The following AP3B2 variants were observed in gnomAD, a reference collection of about 807,000 sequenced individuals.
The protein encoded by AP3B2 is adaptor related protein complex 3 subunit beta 2, also known as AP-3 complex subunit beta-2.
In AP3B2, 50 loss-of-function variants were observed where a neutral mutation model predicts 126.9. That is an observed-to-expected ratio of 0.39 (90% CI 0.31 to 0.50). The LOEUF (loss-of-function observed/expected upper bound fraction) is 0.50, where lower values mean the gene tolerates loss of function less well. Among genes scored for constraint, AP3B2 ranks in the 20% least tolerant of loss-of-function variants. AP3B2 has a pLI of 0.79. For synonymous variants in AP3B2, 541 were observed against 565.0 expected, an observed-to-expected ratio of 0.96 and a Z score of 0.60; for missense variants, 1,177 against 1,426.4, an observed-to-expected ratio of 0.83 and a Z score of 2.82.
intron 4 of AP3B2, among the ~76,000 whole-genome samples, chr15:82,682,232 TAGTAG>T (rs1358017026): frequency 6.6e-6 from 1 of 151,860 alleles, no homozygotes; most frequent in Admixed American, 6.6e-5. Context: ...TTTGTATTTT[TAGTAG>T]AGATTAGGTT....
intron 4 of AP3B2, 43 bp downstream of exon 4, chr15:82,688,693 C>T: frequency 6.5e-7 from 1 of 1,542,050 alleles, no homozygotes; most frequent in Non-Finnish European, 8.8e-7. Context: ...CGATACAGCG[C>T]CAACGAGGCC....
intron 1 of AP3B2, among the ~76,000 whole-genome samples, chr15:82,690,902 C>T (rs1355733784): frequency 2.9e-5 from 3 of 102,548 alleles, no homozygotes; most frequent in Non-Finnish European, 6.9e-5. Context: ...GTGATCTACC[C>T]GTCTTGGCCT....
At chr15:82,661,790 A>G (rs2047954164) in intron 25 of AP3B2, 35 bp downstream of exon 25, 1 of 1,549,366 alleles carries the variant, frequency 6.5e-7, no homozygotes, top group Non-Finnish European at 8.8e-7. Context: ...CAGCTTCTAT[A>G]CTTCCCTCTC....
At chr15:82,688,326 T>C (rs2048466021) in intron 4 of AP3B2, 1 of 659,418 alleles carries the variant, frequency 1.5e-6, no homozygotes, top group Admixed American at 2.3e-5. Context: ...AAGGTGAGAA[T>C]GGTGTGGGGG....
chr15:82,678,053 G>A (rs896035840), intron 11 of AP3B2, 52 bp downstream of exon 11: 2 of 1,585,200 alleles, frequency 1.3e-6, no homozygotes, highest in African/African-American at 1.3e-5. Flanking sequence ...CAGGGCACAA[G>A]GATCTGATGG....
At position 82,663,116 on chromosome 15, in the gene AP3B2, A is replaced by G; in HGVS notation, c.2604+11T>C. The G allele has an allele frequency of 6.2e-7, 1 of 1,602,412 alleles. No homozygotes were observed. Among genetic ancestry groups the G allele is most frequent in the Non-Finnish European group, 8.5e-7 (1 of 1,174,392 alleles). ...CTGCCCCAGCCCGGTCCCCTCCTCC[A>G]TCCCACTCACCGACGGTACCAGGGT... On this transcript the variant is annotated intron_variant, in intron 22 of 26. Coordinates refer to ENST00000535359, the MANE Select transcript of AP3B2 (RefSeq NM_001278512.2).
chr15:82,670,099 G>GTT (rs2048128105), intron 14 of AP3B2, among the ~76,000 whole-genome samples: 1 of 105,376 alleles, frequency 9.5e-6, no homozygotes, highest in Non-Finnish European at 2.0e-5. Context: ...AAAATCAGTG[G>GTT]CTTTTTTTTT....
In AP3B2 at chr15:82,689,420, G is replaced by T; in HGVS notation, c.147C>A (p.Asn49Lys). The T allele has an allele frequency of 6.2e-7, 1 of 1,613,890 alleles. No homozygotes were observed. Among genetic ancestry groups the T allele is most frequent in the African/African-American group, 1.3e-5 (1 of 75,068 alleles). ...HDDLKEMLDT[N>K]KDSLKLEAMK... Reference sequence around the variant, plus strand: ...TGGCCTCCAGCTTGAGAGAATCCTTGTTGGTGTCCAGCATCTCCTTCAGGT... The same window carrying T: ...TGGCCTCCAGCTTGAGAGAATCCTTTTTGGTGTCCAGCATCTCCTTCAGGT... The change falls in exon 2 of 27, where the codon AAC becomes AAA. Residue 49 changes from asparagine to lysine, a missense_variant. Transcript: ENST00000535359.
intron 14 of AP3B2, 149 bp downstream of exon 14, chr15:82,676,312 G>T: frequency 2.6e-6 from 2 of 754,992 alleles, no homozygotes; most frequent in Non-Finnish European, 4.2e-6. Flanking sequence ...GGGTAGCATT[G>T]GTTATGTGGG....
At position 82,661,851 on chromosome 15, in the gene AP3B2, C is replaced by G. The variant is rs201667255; in HGVS notation, c.2990G>C (p.Ser997Thr). 487 of 1,613,664 alleles carry G rather than the reference C, an allele frequency of 3.0e-4. 2 individuals are homozygous for G. The highest frequency in any genetic ancestry group is 4.0e-4 in the Non-Finnish European group (468 of 1,179,786). Residue 997 changes from serine (S) to threonine (T), a missense_variant, in exon 25 of 27, where the codon AGT becomes ACT. By Grantham distance (58) the Ser-to-Thr change is moderately conservative. Transcript: ENST00000535359. ...VGELMAPVFM[S>T]ENEFKKEQGK... ...CTGTTCCTTCTTAAACTCATTTTCA[C>G]TCATGAACACAGGGGCCATCAGCTC...
At chr15:82,696,375 C>T (rs961271304) in intron 1 of AP3B2, among the ~76,000 whole-genome samples, 6 of 152,102 alleles carry the variant, frequency 3.9e-5, no homozygotes, top group African/African-American at 1.2e-4. Context: ...GTCAGGAGTT[C>T]GAGATTAGCC....
In AP3B2 at chr15:82,665,091, A is replaced by G; in HGVS notation, c.2029-148T>C. On this transcript the variant is annotated intron_variant, in intron 17 of 26. Coordinates refer to ENST00000535359, the MANE Select transcript of AP3B2 (RefSeq NM_001278512.2). This position sits in a 1 kb window ranked among gnomAD's most constrained non-coding sequence, Gnocchi z 4.4. ...AATAACAGAGGAGGAAGAAAGGGGC[A>G]CTGTCCATGGAGGGGAGGGAATGCT... 9.7e-7 allele frequency: 1 copy of G among 1,035,168 alleles called. No individual in the cohort carries two copies. Among genetic ancestry groups the G allele is most frequent in the Non-Finnish European group, 1.4e-6 (1 of 698,972 alleles). The allele number at this position is 1,035,168 out of a possible 1,614,324, so 64.1% of individuals were successfully genotyped here.
At chr15:82,698,858 G>A (rs1049672639) in intron 1 of AP3B2, among the ~76,000 whole-genome samples, 2 of 152,112 alleles carry the variant, frequency 1.3e-5, no homozygotes, top group African/African-American at 2.4e-5. Context: ...CAGGAGAAGG[G>A]GAATGAAAGG....
chr15:82,676,730 T>C, intron 13 of AP3B2, 93 bp from the exon 14 acceptor site: 6 of 1,308,684 alleles, frequency 4.6e-6, no homozygotes, highest in Non-Finnish European at 5.3e-6. Context: ...TCCTCATCTG[T>C]GCTGGCCTGT....
intron 14 of AP3B2, 96 bp from the exon 15 acceptor site, chr15:82,667,029 G>C: frequency 1.4e-5 from 18 of 1,284,638 alleles, no homozygotes; most frequent in Non-Finnish European, 2.0e-5. Flanking sequence ...CAGGCAGAAC[G>C]TCTCCTCTCC....
intron 11 of AP3B2, 126 bp from the exon 12 acceptor site, chr15:82,677,929 A>G: frequency 1.5e-6 from 2 of 1,340,120 alleles, no homozygotes; most frequent in Non-Finnish European, 2.0e-6. Flanking sequence ...AGGGGGTGAC[A>G]ACTCCACCCC....
intron 3 of AP3B2, 62 bp downstream of exon 3, chr15:82,689,096 C>A: frequency 6.3e-7 from 1 of 1,584,790 alleles, no homozygotes; most frequent in South Asian, 1.1e-5. Context: ...TTCCTCACCC[C>A]AAGCTTGAGT....
At chr15:82,660,622 C>G (rs1424250109) in intron 25 of AP3B2, among the ~76,000 whole-genome samples, 4 of 152,218 alleles carry the variant, frequency 2.6e-5, no homozygotes, top group Non-Finnish European at 5.9e-5. Context: ...CCTCCGTCTG[C>G]TCTCCTGCAC....
At chr15:82,698,647 G>T (rs1461319942) in intron 1 of AP3B2, among the ~76,000 whole-genome samples, 1 of 152,046 alleles carries the variant, frequency 6.6e-6, no homozygotes, top group Non-Finnish European at 1.5e-5. Context: ...CAGCCCCAAG[G>T]GTCCTCTGAT....
Sources: allele counts gnomAD v4.1 joint callset (sites outside exome capture counted in the v4.1 genomes callset), GRCh38; gene constraint gnomAD v4.1.1; non-coding constraint Gnocchi (gnomAD v3.1); transcripts MANE v1.5; gene names NCBI Gene and HGNC (gene_info 2026-07-23, HGNC 2026-07-21).